The following MSRA variants were observed in gnomAD, a reference collection of about 807,000 sequenced individuals.
MSRA encodes the protein methionine sulfoxide reductase A.
Under a neutral mutation model 31.3 loss-of-function variants are expected in MSRA, and 54 were observed. The ratio of observed to expected loss-of-function variants is 1.73; its 90% CI spans 1.39 to 2.17. The LOEUF is 2.17. MSRA is among the 30% of genes most tolerant of loss of function. The pLI is 0.00. For synonymous variants in MSRA, 169 were observed against 116.5 expected, an observed-to-expected ratio of 1.45 and a Z score of -2.90; for missense variants, 507 against 300.9, an observed-to-expected ratio of 1.69 and a Z score of -5.07.
rs1255872013 is a variant in MSRA at position 10,235,958 on chromosome 8, G to A, written c.212-9146G>A. ...GTTAAAATGCTCTATGAGTAGGTAAGATTTACTGAAAGATGATTTAGAAAA... is the reference window on the plus strand; with the variant it reads ...GTTAAAATGCTCTATGAGTAGGTAAAATTTACTGAAAGATGATTTAGAAAA... On this transcript the variant is annotated intron_variant, in intron 2 of 5. Transcript: ENST00000317173. Among the ~76,000 whole-genome samples, 4 of 152,078 alleles carry A rather than the reference G, an allele frequency of 2.6e-5. No homozygotes were observed. In the East Asian group the frequency reaches 7.7e-4, roughly 29 times the overall value.
chr8:10,124,656 A>C (rs991659580), intron 1 of MSRA, among the ~76,000 whole-genome samples: 2 of 152,226 alleles, frequency 1.3e-5, no homozygotes, highest in African/African-American at 4.8e-5. Context: ...TCATCATTGC[A>C]ATTATAGTAT....
At chr8:10,063,082 A>G (rs1018782738) in intron 1 of MSRA, among the ~76,000 whole-genome samples, 7 of 152,176 alleles carry the variant, frequency 4.6e-5, no homozygotes, top group African/African-American at 1.7e-4. Context: ...GCCTGAACTC[A>G]GATCTAAAAC....
intron 1 of MSRA, among the ~76,000 whole-genome samples, chr8:10,165,344 T>A (rs1050294626): frequency 6.6e-6 from 1 of 150,620 alleles, no homozygotes; most frequent in Non-Finnish European, 1.5e-5. Flanking sequence ...ATTCTTTTTT[T>A]AAAAAACAAA....
chr8:10,325,048 T>C (rs1802282290), intron 5 of MSRA, among the ~76,000 whole-genome samples: 1 of 152,220 alleles, frequency 6.6e-6, no homozygotes, highest in African/African-American at 2.4e-5. Context: ...AACTGGGTAC[T>C]GTGGCTGGCC....
At chr8:10,255,484 C>T (rs965436204) in intron 3 of MSRA, among the ~76,000 whole-genome samples, 2 of 152,168 alleles carry the variant, frequency 1.3e-5, no homozygotes, top group African/African-American at 4.8e-5. Flanking sequence ...AAAGCTGTCC[C>T]TTCCCCCTCG....
chr8:10,083,496 C>T (rs990776987), intron 1 of MSRA, among the ~76,000 whole-genome samples: 2 of 152,174 alleles, frequency 1.3e-5, no homozygotes, highest in African/African-American at 4.8e-5. Flanking sequence ...TATTGATGCA[C>T]TTAAAGTTTT....
intron 2 of MSRA, among the ~76,000 whole-genome samples, chr8:10,244,362 G>C (rs1344016230): frequency 2.0e-5 from 3 of 152,266 alleles, no homozygotes; most frequent in East Asian, 3.9e-4. Context: ...GCTCTTGGGA[G>C]ATGGGTTGTG....
chr8:10,221,111 T>C lies in MSRA; in HGVS notation c.211+13210T>C, dbSNP rs545795254. Reference sequence around the variant, plus strand: ...CAATAGCATGGAGTCTGTGTGGGGCTCTGCTTTCCCACGTGCAGAAAATGA... The same window carrying C: ...CAATAGCATGGAGTCTGTGTGGGGCCCTGCTTTCCCACGTGCAGAAAATGA... On this transcript the variant is annotated intron_variant, in intron 2 of 5. Transcript: ENST00000317173. Among the ~76,000 whole-genome samples the C allele has an allele frequency of 3.3e-5, 5 of 152,330 alleles. No individual in the cohort carries two copies. In the South Asian group the frequency reaches 8.3e-4, roughly 25 times the overall value.
intron 1 of MSRA, among the ~76,000 whole-genome samples, chr8:10,147,234 C>T (rs1803226735): frequency 6.6e-6 from 1 of 152,084 alleles, no homozygotes; most frequent in African/African-American, 2.4e-5. Flanking sequence ...GTGACATGCT[C>T]AGTGTTGCAT....
chr8:10,320,953 G>A lies in MSRA; in HGVS notation c.543+964G>A, dbSNP rs577693566. 5.3e-5 allele frequency among the ~76,000 whole-genome samples: 8 copies of A among 152,228 alleles called. No homozygotes were observed. In the East Asian group the frequency reaches 1.5e-3, roughly 29 times the overall value. ...AACTTAATTACCTCTGTAAAGACCC[G>A]TTCTCCAAGGAAGGTCACATTCCGA... On this transcript the variant is annotated intron_variant, in intron 5 of 5. Transcript: ENST00000317173.
chr8:10,085,778 G>T (rs1388401315), intron 1 of MSRA, among the ~76,000 whole-genome samples: 1 of 152,242 alleles, frequency 6.6e-6, no homozygotes, highest in Non-Finnish European at 1.5e-5. Context: ...GCTAACAATT[G>T]ATCTGCTTTC....
At chr8:10,421,225 T>C (rs77480740) in intron 5 of MSRA, among the ~76,000 whole-genome samples, 5,437 of 152,238 alleles carry the variant, frequency 0.036, 338 homozygotes, top group African/African-American at 0.12. Flanking sequence ...AGGGCTGGCC[T>C]CGGCTGCTGA....
At chr8:10,346,699 G>C (rs1803798228) in intron 5 of MSRA, among the ~76,000 whole-genome samples, 1 of 152,216 alleles carries the variant, frequency 6.6e-6, no homozygotes, top group Non-Finnish European at 1.5e-5. Flanking sequence ...GGGGAATCTT[G>C]TGTAATAGAT....
At chr8:10,275,648 A>G (rs1414236120) in intron 3 of MSRA, among the ~76,000 whole-genome samples, 3 of 152,204 alleles carry the variant, frequency 2.0e-5, no homozygotes, top group African/African-American at 7.2e-5. Context: ...GCCCTTCACC[A>G]CTATGCACTG....
chr8:10,056,970 GA>G (rs1351083686), intron 1 of MSRA, among the ~76,000 whole-genome samples: 1 of 152,156 alleles, frequency 6.6e-6, no homozygotes, highest in African/African-American at 2.4e-5. Context: ...CCAAATACTT[GA>G]GGTGTTAAGG....
intron 2 of MSRA, 59 bp downstream of exon 2, chr8:10,207,960 C>T: frequency 7.0e-7 from 1 of 1,432,876 alleles, no homozygotes; most frequent in Non-Finnish European, 9.6e-7. Context: ...TGCCAAATTT[C>T]TTAGTTTTAG....
chr8:10,123,927 C>G (rs945686347), intron 1 of MSRA, among the ~76,000 whole-genome samples: 2 of 151,372 alleles, frequency 1.3e-5, no homozygotes, highest in East Asian at 3.9e-4. Context: ...TGCAGTGGTG[C>G]AATCGCAGCT....
intron 5 of MSRA, among the ~76,000 whole-genome samples, chr8:10,422,977 G>T (rs938123143): frequency 6.6e-6 from 1 of 152,216 alleles, no homozygotes; most frequent in African/African-American, 2.4e-5. Flanking sequence ...AGGCCGGAGC[G>T]CCACTGCCCT....
intron 5 of MSRA, among the ~76,000 whole-genome samples, chr8:10,426,158 A>T (rs1049760895): frequency 6.6e-6 from 1 of 152,134 alleles, no homozygotes; most frequent in Non-Finnish European, 1.5e-5. Flanking sequence ...GCTAACTCTA[A>T]ATCTACCCCT....
Sources: gnomAD v4.1 joint callset for allele counts (sites outside exome capture counted in the v4.1 genomes callset) on GRCh38, gnomAD v4.1.1 for gene constraint, MANE v1.5 for transcripts, NCBI Gene and HGNC (gene_info 2026-07-23, HGNC 2026-07-21) for gene names.